The following PTPRN2 variants were observed in gnomAD, a reference collection of about 807,000 sequenced individuals.
PTPRN2 encodes receptor-type tyrosine-protein phosphatase N2.
A neutral mutation model predicts 118.8 loss-of-function variants in PTPRN2; 74 were observed. The observed-to-expected ratio is 0.62, with a 90% CI of 0.52 to 0.76. The LOEUF (loss-of-function observed/expected upper bound fraction) is 0.76, where lower values mean the gene tolerates loss of function less well. PTPRN2 is among the 30% of genes least tolerant of loss of function. The pLI is 0.00. For synonymous variants in PTPRN2, 641 were observed against 608.0 expected, an observed-to-expected ratio of 1.05 and a Z score of -0.80; for missense variants, 1,481 against 1,394.4, an observed-to-expected ratio of 1.06 and a Z score of -0.99.
At chr7:157,815,509 T>C (rs905560217) in intron 12 of PTPRN2, among the ~76,000 whole-genome samples, 9 of 152,374 alleles carry the variant, frequency 5.9e-5, no homozygotes, top group African/African-American at 2.2e-4. Flanking sequence ...CTCAGGGTGC[T>C]GGGGTCCTGG....
chr7:158,071,189 T>C lies in PTPRN2; in HGVS notation c.1723+10109A>G, dbSNP rs1467065857. The stretch of plus-strand genomic sequence containing the variant: ...GGAGGTGCTCTTAGTATGGAGGTGC[T>C]CATGGTGGTGGAGGTGCTCGTGGTG... On this transcript the variant is annotated intron_variant, in intron 11 of 22. Transcript: ENST00000389418. 2.0e-3 allele frequency among the ~76,000 whole-genome samples: 38 copies of C among 19,044 alleles called. 4 individuals carry two copies. Among genetic ancestry groups the C allele is most frequent in the East Asian group, 3.8e-3 (2 of 530 alleles). The allele number at this position is 19,044 out of a possible 152,430, so 12.5% of individuals were successfully genotyped here. A position where few individuals can be genotyped will look rare whatever the true frequency, so the allele number is the denominator to read the frequency against.
In PTPRN2 at chr7:158,014,811, A is replaced by G. The variant is rs916709326; in HGVS notation, c.1723+66487T>C. ...CACACATTCATCCATCCACCCGTCCATATACCCACACATCCATCCACCACA... is the reference window on the plus strand; with the variant it reads ...CACACATTCATCCATCCACCCGTCCGTATACCCACACATCCATCCACCACA... On this transcript the variant is annotated intron_variant, in intron 11 of 22. Coordinates refer to ENST00000389418, the MANE Select transcript of PTPRN2 (RefSeq NM_002847.5). 2.0e-5 allele frequency among the ~76,000 whole-genome samples: 3 copies of G among 151,430 alleles called. No individual in the cohort carries two copies. In the East Asian group the frequency reaches 5.9e-4, roughly 30 times the overall value.
At chr7:158,197,849 C>T (rs57524194) in intron 4 of PTPRN2, among the ~76,000 whole-genome samples, 2,816 of 152,282 alleles carry the variant, frequency 0.018, 95 homozygotes, top group African/African-American at 0.063. Flanking sequence ...AATTACCTCC[C>T]ACTGGGTCCC....
intron 1 of PTPRN2, among the ~76,000 whole-genome samples, chr7:158,542,726 C>T (rs1826060881): frequency 1.3e-5 from 2 of 152,310 alleles, no homozygotes; most frequent in East Asian, 3.9e-4. Flanking sequence ...GTCAAATACT[C>T]ACAAGGGAAG....
chr7:158,048,714 CCATCAT>C (rs1809072629), intron 11 of PTPRN2, among the ~76,000 whole-genome samples: 2 of 151,560 alleles, frequency 1.3e-5, no homozygotes, highest in East Asian at 2.0e-4. Flanking sequence ...ATCACCATCA[CCATCAT>C]ATCACCACCA....
At chr7:157,846,128 G>C (rs563795986) in intron 12 of PTPRN2, among the ~76,000 whole-genome samples, 2 of 152,246 alleles carry the variant, frequency 1.3e-5, no homozygotes, top group Non-Finnish European at 2.9e-5. Flanking sequence ...CGGCACCTCT[G>C]TCAGATGAAA....
rs938437493 is a variant in PTPRN2 at position 157,780,462 on chromosome 7, C to T, written c.1789-97525G>A. 3.3e-5 allele frequency among the ~76,000 whole-genome samples: 5 copies of T among 152,184 alleles called. No individual in the cohort carries two copies. The highest frequency in any genetic ancestry group is 7.2e-5 in the African/African-American group (3 of 41,446). On this transcript the variant is annotated intron_variant, in intron 12 of 22. Transcript: ENST00000389418. The surrounding 1 kb of genome is among the most constrained non-coding windows in gnomAD (Gnocchi z 4.5). ...GGGGCCGTGCTGCTGGATCAGATGG[C>T]GGAACACGGCCCAGAGCAACTGAAG...
intron 12 of PTPRN2, among the ~76,000 whole-genome samples, chr7:157,858,860 C>CGT (rs1563180048): frequency 2.2e-4 from 1 of 4,502 alleles, no homozygotes; most frequent in Non-Finnish European, 3.4e-4. Flanking sequence ...GGGAGAGCCC[C>CGT]CCAGCTACCA....
chr7:158,341,493 G>T (rs1393226163), intron 2 of PTPRN2, among the ~76,000 whole-genome samples: 1 of 129,412 alleles, frequency 7.7e-6, no homozygotes, highest in Non-Finnish European at 1.6e-5. Context: ...ACCATAATTG[G>T]TGACACGTGC....
rs529344369 is a variant in PTPRN2, at chr7:157,937,452, C to T, written c.1724-38715G>A. On this transcript the variant is annotated intron_variant, in intron 11 of 22. Transcript: ENST00000389418. ...AGCCCTTGATGTCTGGAGCAGATCGCATCAGCTACTACTAAGCCGCTGTTG... is the reference window on the plus strand; with the variant it reads ...AGCCCTTGATGTCTGGAGCAGATCGTATCAGCTACTACTAAGCCGCTGTTG... Among the ~76,000 whole-genome samples, 3 of 152,366 alleles carry T rather than the reference C, an allele frequency of 2.0e-5. No homozygotes were observed. The South Asian group carries it at 6.2e-4, about 32-fold the overall frequency.
rs1563387071 is a variant in PTPRN2, at chr7:158,521,561, CA to C, written c.113-31777del. ...GTCCGCATCGGAATGGTGGACTGTCCAGGTACTGGCTCAGGGGGGAGGTCCA... is the reference window on the plus strand; with the variant it reads ...GTCCGCATCGGAATGGTGGACTGTCCGGTACTGGCTCAGGGGGGAGGTCCA... On this transcript the variant is annotated intron_variant, in intron 1 of 22. Transcript: ENST00000389418. Among the ~76,000 whole-genome samples, 369 of 149,912 alleles carry C rather than the reference CA, an allele frequency of 2.5e-3. 95 individuals are homozygous for C. Among genetic ancestry groups the C allele is most frequent in the African/African-American group, 7.8e-3 (314 of 40,186 alleles).
intron 3 of PTPRN2, among the ~76,000 whole-genome samples, chr7:158,257,393 A>G (rs991127629): frequency 1.3e-5 from 2 of 152,178 alleles, no homozygotes; most frequent in African/African-American, 4.8e-5. Context: ...CCTCAGCGTT[A>G]CAATGAGATG....
intron 19 of PTPRN2, 61 bp downstream of exon 19, chr7:157,576,552 C>A: frequency 6.9e-7 from 1 of 1,455,226 alleles, no homozygotes; most frequent in Non-Finnish European, 9.2e-7. Flanking sequence ...GCACCGAAGC[C>A]TCGCTCCCCT....
rs117292749 is a variant in PTPRN2 at position 157,801,743 on chromosome 7, C to T, written c.1788+96930G>A. On this transcript the variant is annotated intron_variant, in intron 12 of 22. Transcript: ENST00000389418. The surrounding 1 kb of genome is among the most constrained non-coding windows in gnomAD (Gnocchi z 4.2). ...AGAGGCGGCTGCTGAATGCCTCCAC[C>T]GAGGGTTCTGGGAAGGAAAACGCCC... 1.4e-3 allele frequency among the ~76,000 whole-genome samples: 218 copies of T among 152,236 alleles called. No homozygotes were observed. Among genetic ancestry groups the T allele is most frequent in the Non-Finnish European group, 2.4e-3 (164 of 68,004 alleles).
rs80221781 is a variant in PTPRN2, at chr7:157,802,544, G to A, written c.1788+96129C>T. 7.1e-3 allele frequency among the ~76,000 whole-genome samples: 1,077 copies of A among 152,302 alleles called. 4 individuals carry two copies. Among genetic ancestry groups the A allele is most frequent in the Non-Finnish European group, 0.012 (832 of 68,030 alleles). ...ACAATGCCGTGATGAACTCCGGAGC[G>A]CACCCGTCACTTCGAGGTCCTGATT... On this transcript the variant is annotated intron_variant, in intron 12 of 22. Transcript: ENST00000389418.
intron 12 of PTPRN2, among the ~76,000 whole-genome samples, chr7:157,737,960 G>A (rs116258311): frequency 8.5e-5 from 13 of 152,344 alleles, no homozygotes; most frequent in South Asian, 6.2e-4. Flanking sequence ...GGGAATGCCT[G>A]GGTCAGAAGA....
At position 157,539,291 on chromosome 7, in the gene PTPRN2, T is replaced by C. The variant is rs549822916; in HGVS notation, c.*1423A>G. 70 of 151,976 alleles carry C rather than the reference T, an allele frequency of 4.6e-4. No homozygotes were observed. Among genetic ancestry groups the C allele is most frequent in the African/African-American group, 1.6e-3 (68 of 41,246 alleles). The allele number at this position is 151,976 out of a possible 1,614,324, so 9.4% of individuals were successfully genotyped here. A position where few individuals can be genotyped will look rare whatever the true frequency, so the allele number is the denominator to read the frequency against. ...TACCATGTAGAGACATAAGCAATAT[T>C]TTGGCATCATTCTGTCCGCTCAGTA... is the stretch of plus-strand genomic sequence containing the variant. On this transcript the variant is annotated 3_prime_UTR_variant, in exon 23 of 23. Transcript: ENST00000389418.
intron 17 of PTPRN2, 74 bp downstream of exon 17, chr7:157,595,164 T>G: frequency 7.1e-7 from 1 of 1,406,620 alleles, no homozygotes; most frequent in Non-Finnish European, 1.0e-6. Flanking sequence ...CTAATCAGAT[T>G]CAAGACATGA....
At chr7:157,771,787 T>TCTCA (rs55838542) in intron 12 of PTPRN2, among the ~76,000 whole-genome samples, 7 of 132,532 alleles carry the variant, frequency 5.3e-5, no homozygotes, top group Non-Finnish European at 8.7e-5. Context: ...AGACACACAC[T>TCTCA]CACAGACACA....
Sources: gnomAD v4.1 joint callset for allele counts (sites outside exome capture counted in the v4.1 genomes callset) on GRCh38, gnomAD v4.1.1 for gene constraint, Gnocchi (gnomAD v3.1) non-coding constraint, MANE v1.5 for transcripts, NCBI Gene and HGNC (gene_info 2026-07-23, HGNC 2026-07-21) for gene names.